The following PTHLH variants were observed in gnomAD, a reference collection of about 807,000 sequenced individuals.
The protein encoded by PTHLH is parathyroid hormone like hormone.
A neutral mutation model predicts 18.6 loss-of-function variants in PTHLH; 5 were observed. That is an observed-to-expected ratio of 0.27 (90% CI 0.14 to 0.56). PTHLH has a LOEUF of 0.56. Ranked by LOEUF, PTHLH falls within the 20% of genes least tolerant of loss-of-function variation. The pLI is 0.92. For missense variants in PTHLH, 207 were observed against 223.9 expected (o/e 0.92, Z 0.48); for synonymous variants, 90 against 94.0 (o/e 0.96, Z 0.25).
chr12:27,970,444 C>G (rs1389991089), intron 2 of PTHLH, 177 bp from the exon 3 acceptor site: 1 of 150,486 alleles, frequency 6.6e-6, no homozygotes, highest in East Asian at 1.9e-4. Flanking sequence ...CGGGAATGAG[C>G]GGCGAGCGGC....
chr12:27,969,879 TCTC>T, intron 3 of PTHLH, 143 bp downstream of exon 3: 1 of 523,222 alleles, frequency 1.9e-6, no homozygotes, highest in Non-Finnish European at 3.8e-6. Flanking sequence ...GGCCAGCAGT[TCTC>T]CTGGGTTCGT....
intron 5 of PTHLH, chr12:27,962,676 A>G (rs1223405874): frequency 1.0e-6 from 1 of 984,576 alleles, no homozygotes; most frequent in African/African-American, 1.7e-5. Context: ...AGAAAAACCT[A>G]TATCCTTGTA....
chr12:27,961,301 G>GTATATACGTA (rs2062753726), intron 5 of PTHLH, among the ~76,000 whole-genome samples: 1 of 84,548 alleles, frequency 1.2e-5, no homozygotes, highest in Admixed American at 1.6e-4. Flanking sequence ...ATATATATAC[G>GTATATACGTA]TATATATATA....
Position 27,958,357 on chromosome 12 carries a change from T to A in PTHLH, c.*202A>T. 2.4e-6 allele frequency: 1 copy of A among 413,474 alleles called. No homozygotes were observed. Among genetic ancestry groups the A allele is most frequent in the Non-Finnish European group, 4.3e-6 (1 of 232,268 alleles). 25.6% of individuals were successfully genotyped at this position (413,474 alleles called of 1,614,324 possible). The stretch of plus-strand genomic sequence containing the variant: ...AATGGACAAAATAAATTATGGTAAA[T>A]GTGATAATAATAATTGGATTAGCCT... On this transcript the variant is annotated 3_prime_UTR_variant, in exon 6 of 6. Transcript: ENST00000545234.
At position 27,963,519 on chromosome 12, in the gene PTHLH, G is replaced by T; in HGVS notation, c.353C>A (p.Pro118Gln). ...CTTTTTCTTCCCAGGTGTCTTGAGC[G>T]GCTGCTCTTTGTACGTCTCCACCTT... The part of the protein sequence containing the change: ...TNKVETYKEQ[P>Q]LKTPGKKKKG... The change falls in exon 5 of 6, where the codon CCG (proline) becomes CAG (glutamine). Residue 118 changes from proline to glutamine, a missense_variant. By Grantham distance (76) the Pro-to-Gln change is moderately conservative. Transcript: ENST00000545234. 5 of 1,614,152 alleles carry T rather than the reference G, an allele frequency of 3.1e-6. No homozygotes were observed. The highest frequency in any genetic ancestry group is 4.2e-6 in the Non-Finnish European group (5 of 1,180,028).
At chr12:27,967,480 A>G (rs950776361) in intron 4 of PTHLH, among the ~76,000 whole-genome samples, 2 of 152,252 alleles carry the variant, frequency 1.3e-5, no homozygotes, top group African/African-American at 4.8e-5. Context: ...AATTTCTTTC[A>G]AGAAACTAGC....
chr12:27,970,208 C>CG lies in PTHLH; in HGVS notation c.-207dup. 2 of 504,572 alleles carry CG rather than the reference C, an allele frequency of 4.0e-6. No individual in the cohort carries two copies. Among genetic ancestry groups the CG allele is most frequent in the Non-Finnish European group, 7.9e-6 (2 of 253,352 alleles). The allele number at this position is 504,572 out of a possible 1,614,324, so 31.3% of individuals were successfully genotyped here. A position where few individuals can be genotyped will look rare whatever the true frequency, so the allele number is the denominator to read the frequency against. ...GCGGGGAGACATGCTGGCCGGGCGG[C>CG]GCAGGTTGGAGGCGAGTTGAAAACC... On this transcript the variant is annotated 5_prime_UTR_variant, in exon 3 of 6. The change abolishes the stop of an existing upstream ORF in the 5' untranslated region. Transcript: ENST00000545234.
intron 5 of PTHLH, among the ~76,000 whole-genome samples, chr12:27,959,879 CAAT>C: frequency 6.6e-6 from 1 of 152,120 alleles, no homozygotes. Context: ...CCTCAAAACT[CAAT>C]AATCTGCATT....
At position 27,958,380 on chromosome 12, in the gene PTHLH, C is replaced by T. The variant is rs997371955; in HGVS notation, c.*179G>A. 1.2e-5 allele frequency: 5 copies of T among 406,062 alleles called. No homozygotes were observed. The Admixed American group carries it at 2.5e-4, about 20-fold the overall frequency. The allele number at this position is 406,062 out of a possible 1,614,324, so 25.2% of individuals were successfully genotyped here. A position where few individuals can be genotyped will look rare whatever the true frequency, so the allele number is the denominator to read the frequency against. On this transcript the variant is annotated 3_prime_UTR_variant, in exon 6 of 6. Transcript: ENST00000545234. Reference sequence around the variant, plus strand: ...AATGTGATAATAATAATTGGATTAGCCTTGGCAAAAAAAAAATATTCACAA... The same window carrying T: ...AATGTGATAATAATAATTGGATTAGTCTTGGCAAAAAAAAAATATTCACAA...
chr12:27,958,321 A>G lies in PTHLH; in HGVS notation c.*238T>C. 2.7e-6 allele frequency: 1 copy of G among 366,766 alleles called. No homozygotes were observed. The allele number at this position is 366,766 out of a possible 1,614,324, so 22.7% of individuals were successfully genotyped here. The stretch of plus-strand genomic sequence containing the variant: ...AGCAGCACCAAGATACATTTACAAA[A>G]TAAATACATCAATGGACAAAATAAA... On this transcript the variant is annotated 3_prime_UTR_variant, in exon 6 of 6. Coordinates refer to ENST00000545234, the MANE Select transcript of PTHLH (RefSeq NM_198965.2).
intron 5 of PTHLH, chr12:27,961,837 T>C: frequency 1.7e-6 from 1 of 592,780 alleles, no homozygotes; most frequent in Middle Eastern, 3.1e-4. Flanking sequence ...AGGTTCAAGG[T>C]CCCCTTTGAA....
chr12:27,970,004 T>C (rs775014968), intron 3 of PTHLH, 21 bp downstream of exon 3: 5 of 519,008 alleles, frequency 9.6e-6, no homozygotes, highest in South Asian at 4.2e-5. Context: ...CCCACATATA[T>C]ATACATAGCT....
chr12:27,962,542 T>G (rs2062771299), intron 5 of PTHLH: 1 of 985,222 alleles, frequency 1.0e-6, no homozygotes, highest in African/African-American at 1.7e-5. Context: ...AGTCTAGGAG[T>G]GTCATTATTA....
At position 27,958,502 on chromosome 12, in the gene PTHLH, T is replaced by A; in HGVS notation, c.*57A>T. ...CAATAAATATTTCTAATACTTTCCA[T>A]ATGTTCACTATTACAGAATCCTGCA... On this transcript the variant is annotated 3_prime_UTR_variant, in exon 6 of 6. Transcript: ENST00000545234. The A allele has an allele frequency of 6.8e-7, 1 of 1,473,416 alleles. No individual in the cohort carries two copies. The highest frequency in any genetic ancestry group is 1.3e-5 in the South Asian group (1 of 77,380). The allele number at this position is 1,473,416 out of a possible 1,614,324, so 91.3% of individuals were successfully genotyped here.
Position 27,958,388 on chromosome 12 carries a change from A to AG in PTHLH, c.*170_*171insC, listed in dbSNP as rs1336947898. 1 of 522,264 alleles carries AG rather than the reference A, an allele frequency of 1.9e-6. No homozygotes were observed. Among genetic ancestry groups the AG allele is most frequent in the African/African-American group, 2.0e-5 (1 of 50,240 alleles). The allele number at this position is 522,264 out of a possible 1,614,324, so 32.4% of individuals were successfully genotyped here. The stretch of plus-strand genomic sequence containing the variant: ...AATAATAATTGGATTAGCCTTGGCA[A>AG]AAAAAAAATATTCACAATGACCAAT... On this transcript the variant is annotated 3_prime_UTR_variant, in exon 6 of 6. Transcript: ENST00000545234.
In PTHLH at chr12:27,964,526, T is replaced by C. The variant is rs183009185; in HGVS notation, c.102-756A>G. ...GAGGGAGAGTATGTGTATTTTTCTG[T>C]AAAGTAGTGGGTGGTCTCCTTAAAA... On this transcript the variant is annotated intron_variant, in intron 4 of 5. Transcript: ENST00000545234. Among the ~76,000 whole-genome samples, 172 of 152,096 alleles carry C rather than the reference T, an allele frequency of 1.1e-3. 1 individual carries two copies. The highest frequency in any genetic ancestry group is 4.0e-3 in the African/African-American group (165 of 41,508).
chr12:27,962,946 G>A, intron 5 of PTHLH: 1 of 1,112,670 alleles, frequency 9.0e-7, no homozygotes, highest in Non-Finnish European at 1.1e-6. Flanking sequence ...TGAAGTGAAA[G>A]AACGTAAGAA....
chr12:27,963,825 G>C, intron 4 of PTHLH, 55 bp from the exon 5 acceptor site: 2 of 1,553,606 alleles, frequency 1.3e-6, no homozygotes, highest in Non-Finnish European at 8.9e-7. Context: ...GTTGCTGATA[G>C]AGACAACAAA....
chr12:27,964,022 C>A (rs954263698), intron 4 of PTHLH, among the ~76,000 whole-genome samples: 6 of 152,096 alleles, frequency 3.9e-5, no homozygotes, highest in Non-Finnish European at 7.4e-5. Context: ...CATGAACATT[C>A]TTGGGCCTCA....
Sources: allele counts gnomAD v4.1 joint callset (sites outside exome capture counted in the v4.1 genomes callset), GRCh38; gene constraint gnomAD v4.1.1; transcripts MANE v1.5; gene names NCBI Gene and HGNC (gene_info 2026-07-23, HGNC 2026-07-21).